Variants in ZFHX3 observed in about 807,000 individuals in gnomAD.
The protein encoded by ZFHX3 is zinc finger homeobox 3, also known as zinc finger homeobox protein 3.
In ZFHX3, 42 loss-of-function variants were observed where a neutral mutation model predicts 279.1. The ratio of observed to expected loss-of-function variants is 0.15; its 90% CI spans 0.12 to 0.19. The LOEUF (loss-of-function observed/expected upper bound fraction) is 0.19, where lower values mean the gene tolerates loss of function less well. Ranked by LOEUF, ZFHX3 falls within the 10% of genes least tolerant of loss-of-function variation. The pLI is 1.00. For missense variants in ZFHX3, 4,981 were observed against 4,754.0 expected, an observed-to-expected ratio of 1.05 and a Z score of -1.40; for synonymous variants, 2,293 against 1,957.8, an observed-to-expected ratio of 1.17 and a Z score of -4.52.
chr16:73,014,344 TATC>T (rs765455512), intron 1 of ZFHX3: 18 of 152,274 alleles, frequency 1.2e-4, no homozygotes, highest in Admixed American at 4.6e-4. Context: ...ATTTTTATTT[TATC>T]ATCAACAGCC....
At chr16:72,909,591 T>G (rs8047422) in intron 3 of ZFHX3, among the ~76,000 whole-genome samples, 20,217 of 152,138 alleles carry the variant, frequency 0.13, 1,914 homozygotes, top group African/African-American at 0.27. Context: ...AAACTCAAGT[T>G]AAGAGCCAGG....
At chr16:73,844,514 A>G (rs1360256199) in intron 1 of ZFHX3, among the ~76,000 whole-genome samples, 1 of 152,154 alleles carries the variant, frequency 6.6e-6, no homozygotes, top group Admixed American at 6.5e-5. Flanking sequence ...TACATCACTT[A>G]ATCCTTATAA....
At chr16:73,286,793 G>T (rs1453234081) in intron 4 of ZFHX3, among the ~76,000 whole-genome samples, 7 of 149,354 alleles carry the variant, frequency 4.7e-5, no homozygotes, top group Non-Finnish European at 8.9e-5. Flanking sequence ...GTCAGTTTGT[G>T]GCTGTGTGGG....
At chr16:73,408,662 C>A (rs1032377360) in intron 3 of ZFHX3, among the ~76,000 whole-genome samples, 3 of 152,116 alleles carry the variant, frequency 2.0e-5, no homozygotes, top group Non-Finnish European at 4.4e-5. Flanking sequence ...AACTTGGGGC[C>A]CTCTAGGCTT....
intron 1 of ZFHX3, among the ~76,000 whole-genome samples, chr16:73,058,297 G>A (rs1172130544): frequency 1.4e-5 from 2 of 146,258 alleles, no homozygotes; most frequent in Non-Finnish European, 3.0e-5. Context: ...GAAAGAGAAA[G>A]TTTGGCGTAG....
intron 3 of ZFHX3, among the ~76,000 whole-genome samples, chr16:73,427,131 A>G (rs1353523642): frequency 6.6e-6 from 1 of 152,212 alleles, no homozygotes. Flanking sequence ...GAACAAGCCA[A>G]AGGAAAGTAG....
intron 2 of ZFHX3, among the ~76,000 whole-genome samples, chr16:72,952,792 T>G (rs975754297): frequency 3.9e-5 from 6 of 152,228 alleles, no homozygotes; most frequent in African/African-American, 1.4e-4. Flanking sequence ...GGCTTATTTC[T>G]ACCAGGAGAA....
chr16:72,844,850 G>A (rs943324164), intron 4 of ZFHX3, among the ~76,000 whole-genome samples: 11 of 151,996 alleles, frequency 7.2e-5, no homozygotes, highest in Admixed American at 3.9e-4. Flanking sequence ...AGACTGCCCC[G>A]AAAACCCTGC....
At chr16:73,677,141 T>C (rs115833056) in intron 2 of ZFHX3, among the ~76,000 whole-genome samples, 4 of 152,078 alleles carry the variant, frequency 2.6e-5, no homozygotes, top group African/African-American at 9.6e-5. Flanking sequence ...TGTTTATACA[T>C]ACTATCCCCA....
intron 2 of ZFHX3, among the ~76,000 whole-genome samples, chr16:73,561,025 A>G (rs1052880318): frequency 6.6e-6 from 1 of 152,266 alleles, no homozygotes; most frequent in Non-Finnish European, 1.5e-5. Flanking sequence ...ATATAAAGAA[A>G]TAATATGTTA....
chr16:73,011,699 G>A (rs1456147231), intron 1 of ZFHX3, among the ~76,000 whole-genome samples: 2 of 151,726 alleles, frequency 1.3e-5, no homozygotes, highest in East Asian at 3.9e-4. Flanking sequence ...TTCCAGGCTA[G>A]TGACAGAGCA....
At chr16:73,060,034 C>T (rs146701321), upstream of ZFHX3, among the ~76,000 whole-genome samples, 1,721 of 152,126 alleles carry the variant, frequency 0.011, 14 homozygotes, top group African/African-American at 0.029. Flanking sequence ...TCAATTTTCT[C>T]GTGTGAAACC....
intron 1 of ZFHX3, among the ~76,000 whole-genome samples, chr16:73,763,354 T>G (rs558588841): frequency 2.0e-4 from 30 of 152,322 alleles, no homozygotes; most frequent in African/African-American, 7.2e-4. Context: ...AGGTGTGTAA[T>G]TGTAAATCAA....
At chr16:72,941,820 A>G (rs1960423808) in intron 3 of ZFHX3, among the ~76,000 whole-genome samples, 1 of 152,140 alleles carries the variant, frequency 6.6e-6, no homozygotes, top group South Asian at 2.1e-4. Flanking sequence ...TGAGTGACAG[A>G]TTTTCTGCCA....
intron 5 of ZFHX3, 101 bp downstream of exon 5, chr16:72,829,678 G>A (rs1399776053): frequency 9.8e-6 from 13 of 1,332,432 alleles, no homozygotes; most frequent in African/African-American, 5.8e-5. Context: ...GGATGTATCC[G>A]CTCCCTGACT....
chr16:72,959,802 T>C lies in ZFHX3; in HGVS notation c.344A>G (p.Asp115Gly). The C allele has an allele frequency of 1.1e-5, 18 of 1,595,080 alleles. No individual in the cohort carries two copies. The highest frequency in any genetic ancestry group is 1.5e-5 in the Non-Finnish European group (18 of 1,168,754). ...CTCCTCGTCCCCCTCCTCACCGGTG[T>C]CGCTGGCGCTCTCCTCTCTCAGGGG... is the stretch of plus-strand genomic sequence containing the variant. Reference protein sequence around the residue: ...PPPLREESASDTGEEGDEESD... With the variant: ...PPPLREESASGTGEEGDEESD... The change falls in exon 2 of 10, where the codon GAC becomes GGC. Residue 115 changes from aspartate (D) to glycine (G), a missense_variant. By Grantham distance (94) the Asp-to-Gly change is moderately conservative. Around this residue, in one of 7 missense-constraint regions of ZFHX3, gnomAD observed 1,068 missense variants for 935.2 expected, o/e 1.14. Coordinates refer to ENST00000268489, the MANE Select transcript of ZFHX3 (RefSeq NM_006885.4).
In ZFHX3 at chr16:72,787,731, GCCGCCA is replaced by G. The variant is rs757346850; in HGVS notation, c.10539_10544del (p.Gly3526_Gly3527del). On this transcript the variant is annotated inframe_deletion, in exon 10 of 10. Coordinates refer to ENST00000268489, the MANE Select transcript of ZFHX3 (RefSeq NM_006885.4). ...CGCCGCCGCCGCCACCGCCGCCGCCGCCGCCACTGCCACCGCCGCCGCCGCCGGTGG... is the reference window on the plus strand; with the variant it reads ...CGCCGCCGCCGCCACCGCCGCCGCCGCTGCCACCGCCGCCGCCGCCGGTGG... 2.9e-6 allele frequency: 4 copies of G among 1,394,372 alleles called. No homozygotes were observed. The highest frequency in any genetic ancestry group is 2.1e-5 in the South Asian group (1 of 48,476). The allele number at this position is 1,394,372 out of a possible 1,614,324, so 86.4% of individuals were successfully genotyped here.
intron 1 of ZFHX3, among the ~76,000 whole-genome samples, chr16:73,860,194 A>G (rs1258224353): frequency 2.0e-5 from 3 of 152,182 alleles, no homozygotes; most frequent in African/African-American, 7.2e-5. Flanking sequence ...ACATTGATAA[A>G]TTACCAAATT....
chr16:73,285,948 A>G (rs554080219), intron 4 of ZFHX3, among the ~76,000 whole-genome samples: 1 of 152,372 alleles, frequency 6.6e-6, no homozygotes, highest in Admixed American at 6.5e-5. Flanking sequence ...TGCATATATT[A>G]TATTTTAAAA....
Sources: gnomAD v4.1 joint callset for allele counts (sites outside exome capture counted in the v4.1 genomes callset) on GRCh38, gnomAD v4.1.1 for gene constraint, gnomAD v4.1.1 regional missense constraint, MANE v1.5 for transcripts, NCBI Gene and HGNC (gene_info 2026-07-23, HGNC 2026-07-21) for gene names.